KMO: variants seen among roughly 807,000 people sequenced by gnomAD.
The protein encoded by KMO is kynurenine 3-hydroxylase.
A neutral mutation model predicts 57.8 loss-of-function variants in KMO; 24 were observed. The ratio of observed to expected loss-of-function variants is 0.42; its 90% CI spans 0.30 to 0.58. KMO has a LOEUF of 0.58. Ranked by LOEUF, KMO falls within the 20% of genes least tolerant of loss-of-function variation. The pLI, the probability that KMO is intolerant of heterozygous loss-of-function variation, is 0.22. For synonymous variants in KMO, 210 were observed against 193.6 expected, an observed-to-expected ratio of 1.08 and a Z score of -0.70; for missense variants, 483 against 588.2, an observed-to-expected ratio of 0.82 and a Z score of 1.85.
intron 10 of KMO, among the ~76,000 whole-genome samples, chr1:241,585,661 G>A (rs1182434471): frequency 6.6e-6 from 1 of 151,300 alleles, no homozygotes; most frequent in Non-Finnish European, 1.5e-5. Flanking sequence ...GGAGGCTGAG[G>A]AAGGAGAATC....
chr1:241,582,325 T>C (rs1662784204), intron 10 of KMO, among the ~76,000 whole-genome samples: 2 of 152,174 alleles, frequency 1.3e-5, no homozygotes, highest in South Asian at 4.1e-4. Context: ...GTTTGGGAAG[T>C]TTTCATTATT....
chr1:241,542,392 G>A (rs1264500342), intron 1 of KMO, among the ~76,000 whole-genome samples: 1 of 152,204 alleles, frequency 6.6e-6, no homozygotes, highest in Non-Finnish European at 1.5e-5. Flanking sequence ...AGAAAGTGGA[G>A]AAGCGAGATA....
At chr1:241,574,414 T>C (rs1453115053) in intron 10 of KMO, among the ~76,000 whole-genome samples, 1 of 152,094 alleles carries the variant, frequency 6.6e-6, no homozygotes, top group East Asian at 1.9e-4. Context: ...TCATCATATA[T>C]GGCTTTTATT....
intron 4 of KMO, 107 bp downstream of exon 4, chr1:241,551,151 G>A (rs1246999243): frequency 1.4e-6 from 1 of 696,016 alleles, no homozygotes; most frequent in East Asian, 2.9e-5. Context: ...CTCTGACATT[G>A]CTTGGCTCAG....
At chr1:241,584,166 T>C (rs1250427216) in intron 10 of KMO, among the ~76,000 whole-genome samples, 3 of 152,054 alleles carry the variant, frequency 2.0e-5, no homozygotes, top group African/African-American at 7.2e-5. Flanking sequence ...TGTGTGATGT[T>C]CCCCTTCCTG....
intron 1 of KMO, chr1:241,536,520 A>G: frequency 1.0e-6 from 1 of 985,792 alleles, no homozygotes; most frequent in South Asian, 4.7e-5. Flanking sequence ...AGTGACAGCT[A>G]AAGCTACTCA....
chr1:241,580,378 A>G (rs1299563549), intron 10 of KMO, among the ~76,000 whole-genome samples: 1 of 152,144 alleles, frequency 6.6e-6, no homozygotes, highest in Non-Finnish European at 1.5e-5. Context: ...TCTTTCTTCA[A>G]CTAATTTTGG....
chr1:241,582,343 T>C (rs2147979388), intron 10 of KMO, among the ~76,000 whole-genome samples: 1 of 152,310 alleles, frequency 6.6e-6, no homozygotes, highest in Admixed American at 6.5e-5. Context: ...ATTATTTCTT[T>C]GAATAAACTT....
chr1:241,590,205 T>A lies in KMO; in HGVS notation c.1202T>A (p.Val401Asp). ...AATACTTTTTAAACTTCCCTGCAGG[T>A]CACTTTTTCCAGAATAAGATACCAT... ...PSTFIPLYTM[V>D]TFSRIRYHEA... Residue 401 changes from valine to aspartate, a missense_variant and splice_region_variant, in exon 14 of 15, where the codon GTC (valine) becomes GAC (aspartate). Physicochemically the swap from Val to Asp is radical, Grantham distance 152. This residue lies in a region of KMO where 410 missense variants were observed against 492.3 expected (regional missense o/e 0.83). Transcript: ENST00000366559. 1 of 1,612,786 alleles carries A rather than the reference T, an allele frequency of 6.2e-7. No individual in the cohort carries two copies. Among genetic ancestry groups the A allele is most frequent in the Non-Finnish European group, 8.5e-7 (1 of 1,179,294 alleles).
In KMO at chr1:241,566,604, A is replaced by G; in HGVS notation, c.801A>G (p.Leu267=). The change falls in exon 9 of 15, where the codon CTA becomes CTG. Residue 267 remains leucine, a synonymous_variant. Coordinates refer to ENST00000366559, the MANE Select transcript of KMO (RefSeq NM_003679.5). Reference sequence around the variant, plus strand: ...AATACTTTCCGGATGCCATCCCTCTAATTGGAGAGTAAGTTGCAAGATGTG... The same window carrying G: ...AATACTTTCCGGATGCCATCCCTCTGATTGGAGAGTAAGTTGCAAGATGTG... ...FQKYFPDAIP[L]IGEKLLVQDF... is the part of the protein sequence containing the mutation. 1 of 1,613,706 alleles carries G rather than the reference A, an allele frequency of 6.2e-7. No individual in the cohort carries two copies. The highest frequency in any genetic ancestry group is 1.1e-5 in the South Asian group (1 of 91,002).
In KMO at chr1:241,594,719, A is replaced by C; in HGVS notation, c.*2566A>C. On this transcript the variant is annotated 3_prime_UTR_variant, in exon 15 of 15. Transcript: ENST00000366559. Reference sequence around the variant, plus strand: ...GGGCAGAGAAAAAATAAAGTGGAATATTAAGTAAAAGTTGGGCACTAATCT... The same window carrying C: ...GGGCAGAGAAAAAATAAAGTGGAATCTTAAGTAAAAGTTGGGCACTAATCT... 1 of 1,601,484 alleles carries C rather than the reference A, an allele frequency of 6.2e-7. No individual in the cohort carries two copies. Among genetic ancestry groups the C allele is most frequent in the Non-Finnish European group, 8.5e-7 (1 of 1,174,252 alleles).
chr1:241,536,574 C>G (rs1401300253), intron 1 of KMO: 6 of 887,614 alleles, frequency 6.8e-6, no homozygotes, highest in Admixed American at 6.2e-5. Context: ...GGTAAGAGGG[C>G]TATTAAGCAT....
chr1:241,549,202 G>GAAAGAAAGA, intron 2 of KMO, among the ~76,000 whole-genome samples: 1 of 19,962 alleles, frequency 5.0e-5, no homozygotes, highest in Admixed American at 4.7e-4. Context: ...GAAAGAAAAG[G>GAAAGAAAGA]AAGAAAGAAA....
At chr1:241,586,547 T>A (rs948756589) in intron 10 of KMO, 132 bp from the exon 11 acceptor site, 2 of 703,142 alleles carry the variant, frequency 2.8e-6, no homozygotes, top group African/African-American at 3.6e-5. Flanking sequence ...ACAACTCAAC[T>A]GCTATGTACT....
At chr1:241,554,681 A>G (rs955379514) in intron 4 of KMO, among the ~76,000 whole-genome samples, 3 of 151,782 alleles carry the variant, frequency 2.0e-5, no homozygotes, top group African/African-American at 7.2e-5. Flanking sequence ...AGTCAGGAGG[A>G]AAAAAGTGGC....
intron 5 of KMO, among the ~76,000 whole-genome samples, chr1:241,557,849 A>G (rs1009775279): frequency 6.6e-6 from 1 of 152,164 alleles, no homozygotes; most frequent in African/African-American, 2.4e-5. Context: ...AAAACTCCAC[A>G]AAACAGCTTT....
intron 5 of KMO, among the ~76,000 whole-genome samples, chr1:241,557,060 G>T (rs942928300): frequency 6.6e-6 from 1 of 152,064 alleles, no homozygotes; most frequent in Non-Finnish European, 1.5e-5. Flanking sequence ...GTAGAGTGTA[G>T]ATTCATGATA....
Position 241,555,651 on chromosome 1 carries a change from C to T in KMO, c.352C>T (p.Leu118=). 1 of 1,564,250 alleles carries T rather than the reference C, an allele frequency of 6.4e-7. No homozygotes were observed. Among genetic ancestry groups the T allele is most frequent in the Non-Finnish European group, 8.8e-7 (1 of 1,135,960 alleles). The change falls in exon 5 of 15, where the codon CTA becomes TTA. Residue 118 remains leucine, a synonymous_variant. Coordinates refer to ENST00000366559, the MANE Select transcript of KMO (RefSeq NM_003679.5). ...SVSRENLNKD[L]LTAAEKYPNV... is the part of the protein sequence containing the mutation. The stretch of plus-strand genomic sequence containing the variant: ...AAGCAGAGAAAATCTAAACAAGGAT[C>T]TATTGACTGGTAAGTCTAATGTTTG...
intron 12 of KMO, 75 bp downstream of exon 12, chr1:241,588,905 T>C: frequency 9.1e-7 from 1 of 1,100,862 alleles, no homozygotes; most frequent in Non-Finnish European, 1.4e-6. Flanking sequence ...TCTTTTTCTT[T>C]GCTTCAGCCC....
Sources: gnomAD v4.1 joint callset for allele counts (sites outside exome capture counted in the v4.1 genomes callset) on GRCh38, gnomAD v4.1.1 for gene constraint, gnomAD v4.1.1 regional missense constraint, MANE v1.5 for transcripts, NCBI Gene and HGNC (gene_info 2026-07-23, HGNC 2026-07-21) for gene names.